The following TDRD3 variants were observed in gnomAD, a reference collection of about 807,000 sequenced individuals.
The protein encoded by TDRD3 is tudor domain containing 3.
In TDRD3, 45 loss-of-function variants were observed where a neutral mutation model predicts 86.7. The ratio of observed to expected loss-of-function variants is 0.52; its 90% CI spans 0.41 to 0.67. TDRD3 has a LOEUF of 0.67. Among genes scored for constraint, TDRD3 ranks in the 30% least tolerant of loss-of-function variants. The pLI is 0.00. For synonymous variants in TDRD3, 298 were observed against 301.7 expected (o/e 0.99, Z 0.13); for missense variants, 814 against 889.0 (o/e 0.92, Z 1.07).
intron 1 of TDRD3, among the ~76,000 whole-genome samples, chr13:60,433,873 C>G (rs745883369): frequency 6.4e-4 from 97 of 152,284 alleles, no homozygotes; most frequent in South Asian, 2.1e-4. Flanking sequence ...ACCGATTTTA[C>G]CTGCTTTCAA....
At chr13:60,542,354 G>A (rs1957836755) in intron 12 of TDRD3, among the ~76,000 whole-genome samples, 1 of 152,078 alleles carries the variant, frequency 6.6e-6, no homozygotes, top group South Asian at 2.1e-4. Context: ...TGGTCTCAGA[G>A]ATGTTAGTCT....
intron 5 of TDRD3, among the ~76,000 whole-genome samples, chr13:60,480,949 T>C (rs1464988590): frequency 6.6e-6 from 1 of 151,910 alleles, no homozygotes; most frequent in Admixed American, 6.6e-5. Flanking sequence ...TGGGTTGTCT[T>C]GGGTGGATAG....
chr13:60,531,000 G>A (rs538438664), intron 11 of TDRD3, among the ~76,000 whole-genome samples: 111 of 152,266 alleles, frequency 7.3e-4, no homozygotes, highest in African/African-American at 2.6e-3. Context: ...GATAGAATAA[G>A]GAGGAGTACA....
At chr13:60,544,750 A>G (rs1957899816) in intron 12 of TDRD3, among the ~76,000 whole-genome samples, 1 of 152,210 alleles carries the variant, frequency 6.6e-6, no homozygotes, top group African/African-American at 2.4e-5. Context: ...TTGATAAATC[A>G]GATGAGCTGT....
At chr13:60,432,395 T>C (rs1046934653) in intron 1 of TDRD3, among the ~76,000 whole-genome samples, 1 of 152,154 alleles carries the variant, frequency 6.6e-6, no homozygotes, top group African/African-American at 2.4e-5. Flanking sequence ...AATCTTGTTA[T>C]TCATTATGGC....
At chr13:60,543,228 C>A (rs916102558) in intron 12 of TDRD3, among the ~76,000 whole-genome samples, 1 of 152,122 alleles carries the variant, frequency 6.6e-6, no homozygotes, top group Non-Finnish European at 1.5e-5. Context: ...ACAACCCAGA[C>A]CATCATAAGA....
chr13:60,492,802 C>T (rs1452427896), intron 7 of TDRD3, among the ~76,000 whole-genome samples: 4 of 151,848 alleles, frequency 2.6e-5, no homozygotes, highest in Admixed American at 1.3e-4. Flanking sequence ...AGTTTATCAG[C>T]TACCTAATAG....
intron 5 of TDRD3, among the ~76,000 whole-genome samples, chr13:60,481,803 T>C (rs1956324826): frequency 6.6e-6 from 1 of 152,216 alleles, no homozygotes; most frequent in African/African-American, 2.4e-5. Flanking sequence ...GCTTAGATGC[T>C]GGACATTGTG....
intron 4 of TDRD3, among the ~76,000 whole-genome samples, chr13:60,462,445 G>C (rs763668052): frequency 6.6e-6 from 1 of 152,078 alleles, no homozygotes; most frequent in Non-Finnish European, 1.5e-5. Context: ...GCCTACTTTT[G>C]GTGCCGTAAA....
At chr13:60,481,139 G>A (rs1418631002) in intron 5 of TDRD3, among the ~76,000 whole-genome samples, 2 of 152,098 alleles carry the variant, frequency 1.3e-5, no homozygotes, top group African/African-American at 2.4e-5. Flanking sequence ...GCATGGCCAG[G>A]CAGGGACTCT....
intron 12 of TDRD3, among the ~76,000 whole-genome samples, chr13:60,550,287 A>G (rs1958018313): frequency 6.6e-6 from 1 of 152,148 alleles, no homozygotes; most frequent in African/African-American, 2.4e-5. Flanking sequence ...ACTTGCCAAT[A>G]AAGTATACAG....
At chr13:60,404,439 T>C (rs913970580) in intron 1 of TDRD3, among the ~76,000 whole-genome samples, 3 of 149,502 alleles carry the variant, frequency 2.0e-5, no homozygotes, top group Non-Finnish European at 4.5e-5. Context: ...GCCTCCCAAG[T>C]AGCTGGGACT....
chr13:60,507,162 A>T (rs1956956542), intron 8 of TDRD3, among the ~76,000 whole-genome samples: 1 of 152,198 alleles, frequency 6.6e-6, no homozygotes, highest in African/African-American at 2.4e-5. Flanking sequence ...TCCCAAATAT[A>T]TATGCACCCA....
chr13:60,458,723 T>C (rs1367466281), intron 3 of TDRD3, among the ~76,000 whole-genome samples: 5 of 152,214 alleles, frequency 3.3e-5, no homozygotes, highest in African/African-American at 1.2e-4. Flanking sequence ...ACTTGAAATA[T>C]GGCTAGTACG....
At chr13:60,447,718 C>G (rs1004327464) in intron 3 of TDRD3, among the ~76,000 whole-genome samples, 1 of 152,150 alleles carries the variant, frequency 6.6e-6, no homozygotes, top group Non-Finnish European at 1.5e-5. Context: ...GCTAAAACCC[C>G]TTCTCTGACT....
At chr13:60,447,905 G>A (rs1182087981) in intron 3 of TDRD3, among the ~76,000 whole-genome samples, 1 of 152,108 alleles carries the variant, frequency 6.6e-6, no homozygotes. Flanking sequence ...ACGTTGTGTG[G>A]TGCCTTTGAA....
intron 7 of TDRD3, among the ~76,000 whole-genome samples, chr13:60,493,206 C>T (rs1170059472): frequency 1.3e-5 from 2 of 151,822 alleles, no homozygotes; most frequent in Non-Finnish European, 2.9e-5. Flanking sequence ...GCGTGAGCCA[C>T]CGCGCCCGGC....
At chr13:60,470,870 A>G (rs1419650611) in intron 5 of TDRD3, among the ~76,000 whole-genome samples, 3 of 152,146 alleles carry the variant, frequency 2.0e-5, no homozygotes, top group East Asian at 3.9e-4. Flanking sequence ...GGTGTAAGCC[A>G]CCATGCCCGG....
intron 12 of TDRD3, among the ~76,000 whole-genome samples, chr13:60,564,513 A>AG (rs1462415538): frequency 1.3e-5 from 2 of 152,170 alleles, no homozygotes; most frequent in Non-Finnish European, 2.9e-5. Flanking sequence ...GATCTTGTAA[A>AG]GAATCTTGCC....
Sources: gnomAD v4.1 joint callset for allele counts (sites outside exome capture counted in the v4.1 genomes callset) on GRCh38, gnomAD v4.1.1 for gene constraint, MANE v1.5 for transcripts, NCBI Gene and HGNC (gene_info 2026-07-23, HGNC 2026-07-21) for gene names.